The following TMEM63C variants were observed in gnomAD, a reference collection of about 807,000 sequenced individuals.
The protein encoded by TMEM63C is transmembrane protein 63C, also known as osmosensitive cation channel TMEM63C.
TMEM63C carries 32 observed loss-of-function variants against 99.2 expected under a neutral mutation model. That is an observed-to-expected ratio of 0.32 (90% CI 0.24 to 0.43). The LOEUF is 0.43. Among genes scored for constraint, TMEM63C ranks in the 20% least tolerant of loss-of-function variants. The pLI, the probability that TMEM63C is intolerant of heterozygous loss-of-function variation, is 1.00. For synonymous variants in TMEM63C, 376 were observed against 397.9 expected (o/e 0.94, Z 0.66); for missense variants, 826 against 1,053.0 (o/e 0.78, Z 2.98).
intron 1 of TMEM63C, among the ~76,000 whole-genome samples, chr14:77,209,139 TAACA>T (rs1317785604): frequency 6.6e-6 from 1 of 152,092 alleles, no homozygotes; most frequent in African/African-American, 2.4e-5. Context: ...GCCCTTTAAC[TAACA>T]CTCATAATCA....
chr14:77,194,463 G>C (rs1295347777), intron 1 of TMEM63C, among the ~76,000 whole-genome samples: 1 of 150,602 alleles, frequency 6.6e-6, no homozygotes, highest in African/African-American at 2.4e-5. Context: ...ATAGATCTGA[G>C]ATGGCAGGGA....
At chr14:77,229,133 G>C (rs1888889510) in intron 6 of TMEM63C, among the ~76,000 whole-genome samples, 1 of 152,158 alleles carries the variant, frequency 6.6e-6, no homozygotes, top group Non-Finnish European at 1.5e-5. Context: ...GTTGGGCATG[G>C]TGGCTCACAC....
chr14:77,219,136 C>T (rs1286911595), intron 3 of TMEM63C, among the ~76,000 whole-genome samples, 173 bp downstream of exon 3: 2 of 152,240 alleles, frequency 1.3e-5, no homozygotes, highest in African/African-American at 4.8e-5. Context: ...CTCAAAGAGG[C>T]TGGAGGAACA....
Position 77,186,010 on chromosome 14 carries a change from T to C in TMEM63C, c.-77+4116T>C, listed in dbSNP as rs183740804. The stretch of plus-strand genomic sequence containing the variant: ...CCCCTGGGATGGCGACCATGTTTTG[T>C]TGTTGTTGTTTTTTTTTTTGAAACA... On this transcript the variant is annotated intron_variant, in intron 1 of 23. Coordinates refer to ENST00000298351, the MANE Select transcript of TMEM63C (RefSeq NM_020431.4). Among the ~76,000 whole-genome samples, 128 of 151,362 alleles carry C rather than the reference T, an allele frequency of 8.5e-4. 1 individual carries two copies. Among genetic ancestry groups the C allele is most frequent in the South Asian group, 6.9e-3 (33 of 4,782 alleles).
At chr14:77,246,741 C>T in intron 18 of TMEM63C, 67 bp downstream of exon 18, 5 of 1,345,592 alleles carry the variant, frequency 3.7e-6, no homozygotes, top group South Asian at 1.3e-5. Flanking sequence ...ATGTGCTCTT[C>T]CCTGAGTCCA....
At chr14:77,208,193 A>G (rs76552392) in intron 1 of TMEM63C, among the ~76,000 whole-genome samples, 107 of 152,362 alleles carry the variant, frequency 7.0e-4, no homozygotes, top group Non-Finnish European at 1.2e-3. Context: ...CATACAGGGA[A>G]TCGCAGGGTC....
At chr14:77,215,858 C>A (rs1888575293) in intron 2 of TMEM63C, among the ~76,000 whole-genome samples, 1 of 152,182 alleles carries the variant, frequency 6.6e-6, no homozygotes, top group Non-Finnish European at 1.5e-5. Context: ...TCATTCCCAC[C>A]ACTATACAAT....
intron 16 of TMEM63C, among the ~76,000 whole-genome samples, chr14:77,245,111 G>A (rs55923743): frequency 0.17 from 25,750 of 152,230 alleles, 2,614 homozygotes; most frequent in African/African-American, 0.29. Flanking sequence ...TTGTCCTAAC[G>A]GAAATCCTTC....
intron 2 of TMEM63C, 113 bp from the exon 3 acceptor site, chr14:77,218,688 C>A (rs1038147148): frequency 1.8e-6 from 2 of 1,107,018 alleles, no homozygotes; most frequent in Non-Finnish European, 2.6e-6. Context: ...TCTGAAGTGG[C>A]CTAGCCTGGC....
chr14:77,249,310 G>A lies in TMEM63C; in HGVS notation c.1890G>A (p.Met630Ile). The A allele has an allele frequency of 6.2e-7, 1 of 1,613,986 alleles. No homozygotes were observed. Among genetic ancestry groups the A allele is most frequent in the Non-Finnish European group, 8.5e-7 (1 of 1,179,878 alleles). Residue 630 changes from methionine (M) to isoleucine (I), a missense_variant, in exon 21 of 24, where the codon ATG (methionine) becomes ATA (isoleucine). By Grantham distance (10) the Met-to-Ile change is conservative. Coordinates refer to ENST00000298351, the MANE Select transcript of TMEM63C (RefSeq NM_020431.4). ...IVPFGLLYLC[M>I]KHLTDRYNMY... is the part of the protein sequence containing the mutation. ...CCCCAGGGTTGCTCTACCTGTGCAT[G>A]AAGCACTTGACGGATCGCTATAACA...
intron 1 of TMEM63C, among the ~76,000 whole-genome samples, chr14:77,205,252 A>G (rs757480856): frequency 6.6e-6 from 1 of 152,208 alleles, no homozygotes; most frequent in Non-Finnish European, 1.5e-5. Flanking sequence ...CTTGCTGGCC[A>G]AGTTAAGGAG....
At position 77,219,063 on chromosome 14, in the gene TMEM63C, C is replaced by T. The variant is rs561387375; in HGVS notation, c.150+100C>T. 3 of 1,294,716 alleles carry T rather than the reference C, an allele frequency of 2.3e-6. No individual in the cohort carries two copies. In the African/African-American group the frequency reaches 4.5e-5, roughly 19 times the overall value. The allele number at this position is 1,294,716 out of a possible 1,614,324, so 80.2% of individuals were successfully genotyped here. On this transcript the variant is annotated intron_variant, in intron 3 of 23. Transcript: ENST00000298351. ...GGGACCCAGTTGTCCAAATGGACAA[C>T]AACAACATTGATACAAACTGCCTGA...
intron 20 of TMEM63C, among the ~76,000 whole-genome samples, 196 bp downstream of exon 20, chr14:77,249,068 G>T (rs1398334108): frequency 2.0e-5 from 3 of 152,102 alleles, no homozygotes; most frequent in Non-Finnish European, 4.4e-5. Context: ...TTGAATGAAC[G>T]CATGAGAGAA....
intron 1 of TMEM63C, among the ~76,000 whole-genome samples, chr14:77,183,126 G>A (rs1054476692): frequency 1.3e-5 from 2 of 152,134 alleles, no homozygotes; most frequent in African/African-American, 4.8e-5. Context: ...GGAAACTGAG[G>A]CAAGGAGAGA....
Position 77,190,441 on chromosome 14 carries a change from G to C in TMEM63C, c.-77+8547G>C, listed in dbSNP as rs1888085617. ...TATTCTATGAAGCACGAACAACATG[G>C]ATACCAAACCTTGACAAAGATAGCA... On this transcript the variant is annotated intron_variant, in intron 1 of 23. Coordinates refer to ENST00000298351, the MANE Select transcript of TMEM63C (RefSeq NM_020431.4). 2.6e-5 allele frequency among the ~76,000 whole-genome samples: 4 copies of C among 152,142 alleles called. No homozygotes were observed. The South Asian group carries it at 8.3e-4, about 32-fold the overall frequency.
intron 3 of TMEM63C, 74 bp from the exon 4 acceptor site, chr14:77,219,424 G>GTCTCCCC: frequency 4.1e-5 from 61 of 1,498,314 alleles, no homozygotes; most frequent in Non-Finnish European, 5.6e-5. Context: ...CTCCCCCAAG[G>GTCTCCCC]GAATGCAGGG....
chr14:77,246,303 G>C (rs1042507266), intron 17 of TMEM63C, among the ~76,000 whole-genome samples: 1 of 152,256 alleles, frequency 6.6e-6, no homozygotes, highest in Non-Finnish European at 1.5e-5. Context: ...CAGCCAAAAA[G>C]CAGTGGAAAT....
At chr14:77,251,626 A>T in intron 21 of TMEM63C, 163 bp from the exon 22 acceptor site, 1 of 618,560 alleles carries the variant, frequency 1.6e-6, no homozygotes, top group Non-Finnish European at 2.9e-6. Flanking sequence ...GAGCAAAGGG[A>T]TGATGTTATT....
intron 6 of TMEM63C, among the ~76,000 whole-genome samples, chr14:77,230,243 G>A (rs548654377): frequency 2.6e-5 from 4 of 151,718 alleles, no homozygotes; most frequent in African/African-American, 7.3e-5. Context: ...ACAAAGCTAA[G>A]GCTGTGCCAC....
Sources: allele counts gnomAD v4.1 joint callset (sites outside exome capture counted in the v4.1 genomes callset), GRCh38; gene constraint gnomAD v4.1.1; transcripts MANE v1.5; gene names NCBI Gene and HGNC (gene_info 2026-07-23, HGNC 2026-07-21).